Variants in IFNAR2 observed in about 807,000 individuals in gnomAD.
The protein encoded by IFNAR2 is interferon alpha and beta receptor subunit 2.
Under a neutral mutation model 49.4 loss-of-function variants are expected in IFNAR2, and 30 were observed. The ratio of observed to expected loss-of-function variants is 0.61; its 90% CI spans 0.45 to 0.82. The LOEUF (loss-of-function observed/expected upper bound fraction) is 0.82. Among genes scored for constraint, IFNAR2 ranks in the 40% least tolerant of loss-of-function variants. IFNAR2 has a pLI of 0.00. For synonymous variants in IFNAR2, 224 were observed against 234.5 expected (o/e 0.96, Z 0.41); for missense variants, 600 against 622.7 (o/e 0.96, Z 0.39).
intron 2 of IFNAR2, among the ~76,000 whole-genome samples, chr21:33,242,915 A>C (rs1398030231): frequency 1.1e-4 from 16 of 149,752 alleles, no homozygotes; most frequent in Admixed American, 1.1e-3. Context: ...TAGCCTCCCA[A>C]GTAGACGGGA....
rs914137175 is a variant in IFNAR2, at chr21:33,230,352, G to T, written c.-84+136G>T. On this transcript the variant is annotated intron_variant, in intron 1 of 8. Coordinates refer to ENST00000342136, the MANE Select transcript of IFNAR2 (RefSeq NM_001289125.3). This position sits in a 1 kb window ranked among gnomAD's most constrained non-coding sequence, Gnocchi z 5.5. ...CTCCCCGACTCCTCCTCCTCCTCCT[G>T]CCCTCCCTCTGCGTCTTGAGTATGC... The T allele has an allele frequency of 1.4e-6, 1 of 717,694 alleles. No homozygotes were observed. The highest frequency in any genetic ancestry group is 1.9e-6 in the Non-Finnish European group (1 of 521,248). The allele number at this position is 717,694 out of a possible 1,614,324, so 44.5% of individuals were successfully genotyped here. A position where few individuals can be genotyped will look rare whatever the true frequency, so the allele number is the denominator to read the frequency against.
At chr21:33,239,752 T>G (rs1986774838) in intron 1 of IFNAR2, among the ~76,000 whole-genome samples, 1 of 151,824 alleles carries the variant, frequency 6.6e-6, no homozygotes, top group Admixed American at 6.6e-5. Context: ...CTCTCCCTCC[T>G]GGGGCCCAGA....
chr21:33,262,946 A>T lies in IFNAR2; in HGVS notation c.994A>T (p.Thr332Ser), dbSNP rs1227575396. 2.5e-6 allele frequency: 4 copies of T among 1,614,226 alleles called. No homozygotes were observed. The highest frequency in any genetic ancestry group is 3.4e-6 in the Non-Finnish European group (4 of 1,180,022). Residue 332 changes from threonine to serine, a missense_variant, in exon 9 of 9, where the codon ACA becomes TCA. Physicochemically the swap from Thr to Ser is moderately conservative, Grantham distance 58. Coordinates refer to ENST00000342136, the MANE Select transcript of IFNAR2 (RefSeq NM_001289125.3). ...TAGCGATACTGAGGCAGCGCCCAGGACAAGTGGCGGTGGCTATACCATGCA... is the reference window on the plus strand; with the variant it reads ...TAGCGATACTGAGGCAGCGCCCAGGTCAAGTGGCGGTGGCTATACCATGCA... ...SDSDTEAAPR[T>S]SGGGYTMHGL...
Position 33,263,808 on chromosome 21 carries a change from G to T in IFNAR2, c.*308G>T. ...CTACCAGGGAGCAGGGTTCCCCACA[G>T]TTTCAGAGGTGGTCCAGGACCCTAT... On this transcript the variant is annotated 3_prime_UTR_variant, in exon 9 of 9. Transcript: ENST00000342136. 3.3e-6 allele frequency: 1 copy of T among 299,086 alleles called. No homozygotes were observed. 18.5% of individuals were successfully genotyped at this position (299,086 alleles called of 1,614,324 possible).
chr21:33,255,882 T>C (rs750325492), intron 7 of IFNAR2, among the ~76,000 whole-genome samples: 3 of 152,216 alleles, frequency 2.0e-5, no homozygotes, highest in Non-Finnish European at 4.4e-5. Context: ...TAAACTCATA[T>C]GTGGCCCCTA....
At chr21:33,260,829 T>A in intron 8 of IFNAR2, 102 bp downstream of exon 8, 8 of 732,834 alleles carry the variant, frequency 1.1e-5, no homozygotes. Context: ...GAAAATCTCA[T>A]TTTCTATAAA....
At position 33,230,649 on chromosome 21, in the gene IFNAR2, C is replaced by T; in HGVS notation, c.-84+433C>T. ...CCAGCTGGGTGCTCAGGTTCGGGAT[C>T]TCCAGCCCGCCCCCTTGAGGTCCCC... On this transcript the variant is annotated intron_variant, in intron 1 of 8. Coordinates refer to ENST00000342136, the MANE Select transcript of IFNAR2 (RefSeq NM_001289125.3). This position sits in a 1 kb window ranked among gnomAD's most constrained non-coding sequence, Gnocchi z 5.5. The T allele has an allele frequency of 2.1e-6, 1 of 466,210 alleles. No individual in the cohort carries two copies. Among genetic ancestry groups the T allele is most frequent in the Non-Finnish European group, 4.5e-6 (1 of 224,478 alleles). The allele number at this position is 466,210 out of a possible 1,614,324, so 28.9% of individuals were successfully genotyped here.
In IFNAR2 at chr21:33,230,552, C is replaced by T. The variant is rs1434353418; in HGVS notation, c.-84+336C>T. 1 of 471,010 alleles carries T rather than the reference C, an allele frequency of 2.1e-6. No individual in the cohort carries two copies. The highest frequency in any genetic ancestry group is 4.4e-6 in the Non-Finnish European group (1 of 226,994). 29.2% of individuals were successfully genotyped at this position (471,010 alleles called of 1,614,324 possible). The stretch of plus-strand genomic sequence containing the variant: ...CCAGGATACCGGGCATTTGCCACTG[C>T]AAGATGTGAGTCGTTGCTAAGTTTG... On this transcript the variant is annotated intron_variant, in intron 1 of 8. Transcript: ENST00000342136. The surrounding 1 kb of genome is among the most constrained non-coding windows in gnomAD (Gnocchi z 5.5).
chr21:33,232,638 C>G (rs1201006718), intron 1 of IFNAR2, among the ~76,000 whole-genome samples: 1 of 148,572 alleles, frequency 6.7e-6, no homozygotes, highest in East Asian at 2.0e-4. Context: ...AAGAAGGAGA[C>G]TGATCCAGTC....
chr21:33,253,833 G>A lies in IFNAR2; in HGVS notation c.709+1003G>A, dbSNP rs114841139. On this transcript the variant is annotated intron_variant, in intron 7 of 8. Coordinates refer to ENST00000342136, the MANE Select transcript of IFNAR2 (RefSeq NM_001289125.3). Reference sequence around the variant, plus strand: ...CTGGTGAGAGTGTGGCAGTGAGGACGACCATCTTGGTTTTGGTGGGTTTTG... The same window carrying A: ...CTGGTGAGAGTGTGGCAGTGAGGACAACCATCTTGGTTTTGGTGGGTTTTG... Among the ~76,000 whole-genome samples, 620 of 152,240 alleles carry A rather than the reference G, an allele frequency of 4.1e-3. 2 individuals are homozygous for A. Among genetic ancestry groups the A allele is most frequent in the African/African-American group, 0.014 (600 of 41,540 alleles).
At chr21:33,238,134 T>C (rs1031503911) in intron 1 of IFNAR2, among the ~76,000 whole-genome samples, 1 of 152,192 alleles carries the variant, frequency 6.6e-6, no homozygotes, top group African/African-American at 2.4e-5. Context: ...GCAAGTTAGC[T>C]CCCTGCTACC....
intron 7 of IFNAR2, among the ~76,000 whole-genome samples, chr21:33,256,016 TTACA>T (rs1988185594): frequency 6.6e-6 from 1 of 152,232 alleles, no homozygotes; most frequent in Non-Finnish European, 1.5e-5. Context: ...ATCATTGATC[TTACA>T]TACAAACGAA....
chr21:33,243,799 A>G, intron 3 of IFNAR2, 85 bp downstream of exon 3: 3 of 967,368 alleles, frequency 3.1e-6, no homozygotes, highest in Non-Finnish European at 5.1e-6. Flanking sequence ...AATGTGGGAG[A>G]TTTGATTTCT....
intron 1 of IFNAR2, among the ~76,000 whole-genome samples, chr21:33,235,884 G>A (rs564774737): frequency 2.6e-5 from 4 of 152,110 alleles, no homozygotes; most frequent in South Asian, 4.1e-4. Flanking sequence ...CAAAGTTTGC[G>A]CCACTGCACT....
In IFNAR2 at chr21:33,230,078, T is replaced by C; in HGVS notation, c.-222T>C. ...CCACCACCCGGCCGCACGGGCCGCT[T>C]TTGTCCCCCGCCCGCCGCTTCTGTC... On this transcript the variant is annotated 5_prime_UTR_variant, in exon 1 of 9. Coordinates refer to ENST00000342136, the MANE Select transcript of IFNAR2 (RefSeq NM_001289125.3). The surrounding 1 kb of genome is among the most constrained non-coding windows in gnomAD (Gnocchi z 5.5). 1.0e-6 allele frequency: 1 copy of C among 987,678 alleles called. No homozygotes were observed. Among genetic ancestry groups the C allele is most frequent in the Non-Finnish European group, 1.2e-6 (1 of 831,028 alleles). 61.2% of individuals were successfully genotyped at this position (987,678 alleles called of 1,614,324 possible). A position where few individuals can be genotyped will look rare whatever the true frequency, so the allele number is the denominator to read the frequency against.
chr21:33,237,347 C>T (rs1362169729), intron 1 of IFNAR2, among the ~76,000 whole-genome samples: 2 of 151,214 alleles, frequency 1.3e-5, no homozygotes, highest in African/African-American at 4.9e-5. Context: ...GCCTGGACAA[C>T]ATAGCAAAGC....
At chr21:33,248,509 A>G (rs1432345656) in intron 5 of IFNAR2, among the ~76,000 whole-genome samples, 200 bp from the exon 6 acceptor site, 2 of 152,250 alleles carry the variant, frequency 1.3e-5, no homozygotes, top group Non-Finnish European at 2.9e-5. Context: ...AAAATCAGAG[A>G]CAATTTAAAT....
Position 33,241,824 on chromosome 21 carries a change from AT to A in IFNAR2, c.-83-11del. The stretch of plus-strand genomic sequence containing the variant: ...CTCTCATTATCTTGTCTTTGCTCCC[AT>A]TTTTATATTTGCAGTTTAATTAGAC... On this transcript the variant is annotated splice_polypyrimidine_tract_variant and intron_variant, in intron 1 of 8. Transcript: ENST00000342136. 6.4e-7 allele frequency: 1 copy of A among 1,562,490 alleles called. No individual in the cohort carries two copies. The highest frequency in any genetic ancestry group is 8.7e-7 in the Non-Finnish European group (1 of 1,152,782).
rs141460164 is a variant in IFNAR2 at position 33,251,952 on chromosome 21, G to A, written c.541-710G>A. ...ACAAAAATTAGCCAGGCATGGTGGC[G>A]GGCATCTGTAATCCCAGCTACTCAG... On this transcript the variant is annotated intron_variant, in intron 6 of 8. Transcript: ENST00000342136. 1.9e-3 allele frequency: 316 copies of A among 164,692 alleles called. 3 individuals carry two copies. Among genetic ancestry groups the A allele is most frequent in the African/African-American group, 7.4e-3 (311 of 41,786 alleles). 10.2% of individuals were successfully genotyped at this position (164,692 alleles called of 1,614,324 possible). A position where few individuals can be genotyped will look rare whatever the true frequency, so the allele number is the denominator to read the frequency against.
Sources: allele counts gnomAD v4.1 joint callset (sites outside exome capture counted in the v4.1 genomes callset), GRCh38; gene constraint gnomAD v4.1.1; non-coding constraint Gnocchi (gnomAD v3.1); transcripts MANE v1.5; gene names NCBI Gene and HGNC (gene_info 2026-07-23, HGNC 2026-07-21).